WNT7B: variants seen among roughly 807,000 people sequenced by gnomAD.
WNT7B encodes protein Wnt-7b.
WNT7B carries 19 observed loss-of-function variants against 38.2 expected under a neutral mutation model. The ratio of observed to expected loss-of-function variants is 0.50; its 90% CI spans 0.35 to 0.73. The LOEUF is 0.73. Among genes scored for constraint, WNT7B ranks in the 30% least tolerant of loss-of-function variants. WNT7B has a pLI of 0.01. For missense variants in WNT7B, 423 were observed against 507.9 expected (o/e 0.83, Z 1.61); for synonymous variants, 243 against 209.3 (o/e 1.16, Z -1.39).
rs931591783 is a variant in WNT7B, at chr22:45,977,063, G to A, written c.-309C>T. ...GGGCCCGGGCGCGGCTGGCGGGCGG[G>A]TGCAGCCTGCACTAGGCGCAGCCGC... On this transcript the variant is annotated 5_prime_UTR_variant, in exon 1 of 4. Coordinates refer to ENST00000339464, the MANE Select transcript of WNT7B (RefSeq NM_058238.3). 3.1e-6 allele frequency: 3 copies of A among 973,818 alleles called. No homozygotes were observed. In the African/African-American group the frequency reaches 5.3e-5, roughly 17 times the overall value. The allele number at this position is 973,818 out of a possible 1,614,324, so 60.3% of individuals were successfully genotyped here. A position where few individuals can be genotyped will look rare whatever the true frequency, so the allele number is the denominator to read the frequency against.
At chr22:45,942,672 G>T (rs1411163835) in intron 2 of WNT7B, among the ~76,000 whole-genome samples, 1 of 152,228 alleles carries the variant, frequency 6.6e-6, no homozygotes, top group Non-Finnish European at 1.5e-5. Context: ...TTACACGAAG[G>T]TGATAGCAGC....
chr22:45,923,156 G>A lies in WNT7B; in HGVS notation c.750C>T (p.Thr250=), dbSNP rs60537690. The A allele has an allele frequency of 6.2e-7, 1 of 1,613,562 alleles. No individual in the cohort carries two copies. Among genetic ancestry groups the A allele is most frequent in the Non-Finnish European group, 8.5e-7 (1 of 1,180,018 alleles). The part of the protein sequence containing the change: ...VVRASRLRQP[T]FLRIKQLRSY... ...TGCGCAGCTGTTTGATGCGCAGGAA[G>A]GTGGGCTGCCGCAGACGGCTGGCCC... The change falls in exon 4 of 4, where the codon ACC becomes ACT. Residue 250 remains threonine (T), a synonymous_variant. Transcript: ENST00000339464.
At chr22:45,972,157 G>A (rs1477065070) in intron 1 of WNT7B, 13 of 400,514 alleles carry the variant, frequency 3.2e-5, no homozygotes, top group Non-Finnish European at 5.3e-5. Context: ...GCACTCACAA[G>A]TAGCTGCCGC....
At chr22:45,942,668 G>A (rs1384708347) in intron 2 of WNT7B, among the ~76,000 whole-genome samples, 3 of 152,240 alleles carry the variant, frequency 2.0e-5, no homozygotes, top group Non-Finnish European at 4.4e-5. Flanking sequence ...CGGCTTACAC[G>A]AAGGTGATAG....
At chr22:45,933,436 G>A (rs1002524389) in intron 2 of WNT7B, among the ~76,000 whole-genome samples, 2 of 152,190 alleles carry the variant, frequency 1.3e-5, no homozygotes, top group African/African-American at 4.8e-5. Context: ...GTCTAAATTA[G>A]GTCAAGATGA....
intron 2 of WNT7B, among the ~76,000 whole-genome samples, chr22:45,935,554 C>T (rs2146718380): frequency 6.6e-6 from 1 of 152,326 alleles, no homozygotes; most frequent in South Asian, 2.1e-4. Context: ...GGGAGGCTCC[C>T]TCCTCCCCGA....
At position 45,923,481 on chromosome 22, in the gene WNT7B, C is replaced by G. The variant is rs73457147; in HGVS notation, c.571-146G>C. 0.02 allele frequency: 24,253 copies of G among 1,196,840 alleles called. 3,728 individuals carry two copies. In the African/African-American group the frequency reaches 0.33, roughly 16 times the overall value. 74.1% of individuals were successfully genotyped at this position (1,196,840 alleles called of 1,614,324 possible). ...CAGGTGAGTGTCTCTCCCTCTCTGACCCTCAGCCTCCTCACCTATTACATG... is the reference window on the plus strand; with the variant it reads ...CAGGTGAGTGTCTCTCCCTCTCTGAGCCTCAGCCTCCTCACCTATTACATG... On this transcript the variant is annotated intron_variant, in intron 3 of 3. Coordinates refer to ENST00000339464, the MANE Select transcript of WNT7B (RefSeq NM_058238.3).
intron 1 of WNT7B, among the ~76,000 whole-genome samples, chr22:45,950,723 AC>A (rs151084438): frequency 0.013 from 1,978 of 152,298 alleles, 45 homozygotes; most frequent in African/African-American, 0.046. Flanking sequence ...CAGTTTCCAC[AC>A]CCATGAAATG....
chr22:45,961,819 G>A (rs948643631), intron 1 of WNT7B, among the ~76,000 whole-genome samples: 1 of 152,196 alleles, frequency 6.6e-6, no homozygotes, highest in Non-Finnish European at 1.5e-5. Flanking sequence ...GCTTGGGTTT[G>A]GGGTCCTGTG....
chr22:45,923,178 G>A lies in WNT7B; in HGVS notation c.728C>T (p.Ala243Val). The A allele has an allele frequency of 6.2e-7, 1 of 1,613,136 alleles. No homozygotes were observed. The highest frequency in any genetic ancestry group is 8.5e-7 in the Non-Finnish European group (1 of 1,179,984). ...NAAVQVEVVR[A>V]SRLRQPTFLR... ...GAAGGTGGGCTGCCGCAGACGGCTG[G>A]CCCGCACCACCTCCACCTGCACGGC... The change falls in exon 4 of 4, where the codon GCC becomes GTC. Residue 243 changes from alanine (A) to valine (V), a missense_variant. Physicochemically the swap from Ala to Val is moderately conservative, Grantham distance 64 (BLOSUM62 0). This residue lies in a region of WNT7B where 158 missense variants were observed against 214.7 expected (regional missense o/e 0.74). Transcript: ENST00000339464.
At chr22:45,956,677 T>TA (rs781479731) in intron 1 of WNT7B, among the ~76,000 whole-genome samples, 9 of 152,148 alleles carry the variant, frequency 5.9e-5, no homozygotes, top group East Asian at 1.9e-4. Flanking sequence ...GGAGGATAGA[T>TA]AAAAAAAGTG....
intron 1 of WNT7B, among the ~76,000 whole-genome samples, chr22:45,970,694 G>A (rs2146754240): frequency 1.3e-5 from 2 of 152,378 alleles, no homozygotes; most frequent in South Asian, 4.1e-4. Flanking sequence ...AGGCTGAAAC[G>A]CCAGGATTCT....
Position 45,976,919 on chromosome 22 carries a change from G to A in WNT7B, c.-165C>T, listed in dbSNP as rs1260455273. 1.0e-6 allele frequency: 1 copy of A among 991,830 alleles called. No individual in the cohort carries two copies. The highest frequency in any genetic ancestry group is 1.2e-6 in the Non-Finnish European group (1 of 834,728). The allele number at this position is 991,830 out of a possible 1,614,324, so 61.4% of individuals were successfully genotyped here. A position where few individuals can be genotyped will look rare whatever the true frequency, so the allele number is the denominator to read the frequency against. ...GGCACTCGGCGCGCGCTGCCACCAT[G>A]GTGAGCCCGGGATGCCGCCGCCGCC... On this transcript the variant is annotated 5_prime_UTR_variant, in exon 1 of 4. Transcript: ENST00000339464. This position sits in a 1 kb window ranked among gnomAD's most constrained non-coding sequence, Gnocchi z 8.5.
At chr22:45,931,844 C>T (rs1379086386) in intron 2 of WNT7B, among the ~76,000 whole-genome samples, 1 of 152,112 alleles carries the variant, frequency 6.6e-6, no homozygotes, top group Non-Finnish European at 1.5e-5. Context: ...CCGTGGGGAC[C>T]AGGCATGCAT....
chr22:45,959,407 A>G (rs1047872834), intron 1 of WNT7B, among the ~76,000 whole-genome samples: 1 of 152,166 alleles, frequency 6.6e-6, no homozygotes, highest in African/African-American at 2.4e-5. Context: ...GGTGAGGATT[A>G]TGAGGGTGAA....
chr22:45,950,755 C>T (rs756199957), intron 1 of WNT7B, among the ~76,000 whole-genome samples: 19 of 152,256 alleles, frequency 1.2e-4, no homozygotes, highest in Non-Finnish European at 8.8e-5. Context: ...ACACCCATCC[C>T]CCACCACCCA....
intron 1 of WNT7B, among the ~76,000 whole-genome samples, chr22:45,969,247 C>T (rs923601711): frequency 5.3e-5 from 8 of 152,236 alleles, no homozygotes; most frequent in Admixed American, 1.3e-4. Context: ...GTAACCGCCC[C>T]GTCACCCATG....
At chr22:45,938,708 G>A (rs994668551) in intron 2 of WNT7B, among the ~76,000 whole-genome samples, 4 of 152,030 alleles carry the variant, frequency 2.6e-5, no homozygotes, top group Non-Finnish European at 5.9e-5. Flanking sequence ...AGCATGCTGG[G>A]GTGACTACAG....
In WNT7B at chr22:45,975,671, G is replaced by A. The variant is rs891798823; in HGVS notation, c.71+1013C>T. 3.5e-5 allele frequency: 24 copies of A among 690,306 alleles called. No homozygotes were observed. In the African/African-American group the frequency reaches 3.5e-4, roughly 10 times the overall value. 42.8% of individuals were successfully genotyped at this position (690,306 alleles called of 1,614,324 possible). A position where few individuals can be genotyped will look rare whatever the true frequency, so the allele number is the denominator to read the frequency against. On this transcript the variant is annotated intron_variant, in intron 1 of 3. Transcript: ENST00000339464. The surrounding 1 kb of genome is among the most constrained non-coding windows in gnomAD (Gnocchi z 6.6). ...GGTACCTGCACCTGCCCCTCCCGCG[G>A]GTCTGTTCACCGCCTTGCCTGTGGC...
Sources: gnomAD v4.1 joint callset for allele counts (sites outside exome capture counted in the v4.1 genomes callset) on GRCh38, gnomAD v4.1.1 for gene constraint, gnomAD v4.1.1 regional missense constraint, Gnocchi (gnomAD v3.1) non-coding constraint, MANE v1.5 for transcripts, NCBI Gene and HGNC (gene_info 2026-07-23, HGNC 2026-07-21) for gene names.